SEMA6D: variants seen among roughly 807,000 people sequenced by gnomAD.
SEMA6D encodes the protein semaphorin-6D.
SEMA6D carries 35 observed loss-of-function variants against 106.6 expected under a neutral mutation model. That is an observed-to-expected ratio of 0.33 (90% CI 0.25 to 0.44). The LOEUF is 0.44. SEMA6D is among the 20% of genes least tolerant of loss of function. The probability of loss-of-function intolerance (pLI) is 1.00; values close to 1 mark genes in which losing one functional copy is unlikely to be tolerated. For synonymous variants in SEMA6D, 499 were observed against 487.7 expected (o/e 1.02, Z -0.31); for missense variants, 1,185 against 1,345.9 (o/e 0.88, Z 1.87).
At chr15:47,512,369 A>G (rs986794041) in intron 3 of SEMA6D, among the ~76,000 whole-genome samples, 12 of 152,198 alleles carry the variant, frequency 7.9e-5, no homozygotes, top group South Asian at 4.1e-4. Flanking sequence ...GAAAATGACC[A>G]TGCATCATGC....
At chr15:47,376,688 G>T (rs181490271) in intron 1 of SEMA6D, among the ~76,000 whole-genome samples, 4 of 152,162 alleles carry the variant, frequency 2.6e-5, no homozygotes, top group African/African-American at 9.7e-5. Flanking sequence ...GGGAGCACTG[G>T]CTCTTTATTA....
intron 1 of SEMA6D, among the ~76,000 whole-genome samples, chr15:47,364,682 C>G (rs2038945440): frequency 6.6e-6 from 1 of 152,090 alleles, no homozygotes; most frequent in Non-Finnish European, 1.5e-5. Context: ...GGCCTCTTTC[C>G]AGTGCCCCTC....
intron 4 of SEMA6D, among the ~76,000 whole-genome samples, chr15:47,684,414 G>C (rs1330087739): frequency 6.6e-6 from 1 of 151,874 alleles, no homozygotes; most frequent in African/African-American, 2.4e-5. Flanking sequence ...ATTATATTTA[G>C]TTATCGCTGT....
chr15:47,579,452 A>T (rs770838726), intron 3 of SEMA6D, among the ~76,000 whole-genome samples: 2 of 152,116 alleles, frequency 1.3e-5, no homozygotes, highest in Non-Finnish European at 2.9e-5. Context: ...AGAAATCTGT[A>T]TTCTTAATGA....
At chr15:47,467,145 T>C (rs2042688427) in intron 2 of SEMA6D, among the ~76,000 whole-genome samples, 1 of 152,134 alleles carries the variant, frequency 6.6e-6, no homozygotes, top group Non-Finnish European at 1.5e-5. Context: ...TAATTTTTGT[T>C]CTTGTTTAGA....
At chr15:47,486,695 C>CT (rs1460387540) in intron 3 of SEMA6D, among the ~76,000 whole-genome samples, 2 of 152,180 alleles carry the variant, frequency 1.3e-5, no homozygotes, top group Non-Finnish European at 2.9e-5. Context: ...GAATTGTTGA[C>CT]CTTAGGAAAG....
intron 4 of SEMA6D, among the ~76,000 whole-genome samples, chr15:47,625,410 T>C (rs753180524): frequency 1.3e-5 from 2 of 152,156 alleles, no homozygotes; most frequent in Non-Finnish European, 2.9e-5. Context: ...ATTTTTTATG[T>C]TCCATCTTTA....
At chr15:47,504,976 A>G (rs1428456209) in intron 3 of SEMA6D, among the ~76,000 whole-genome samples, 1 of 152,170 alleles carries the variant, frequency 6.6e-6, no homozygotes, top group African/African-American at 2.4e-5. Context: ...AATTTGCCTC[A>G]TTCCTGTCAT....
chr15:47,621,232 C>A (rs985044447), intron 4 of SEMA6D, among the ~76,000 whole-genome samples: 1 of 152,186 alleles, frequency 6.6e-6, no homozygotes, highest in Non-Finnish European at 1.5e-5. Context: ...CTAAAACATG[C>A]AGTGCTCACT....
At chr15:47,279,592 C>T (rs1405798394) in intron 1 of SEMA6D, among the ~76,000 whole-genome samples, 2 of 149,760 alleles carry the variant, frequency 1.3e-5, no homozygotes, top group African/African-American at 4.9e-5. Flanking sequence ...AGAGGGCATC[C>T]CTGTCTTGTG....
chr15:47,764,639 C>T lies in SEMA6D; in HGVS notation c.1099C>T (p.Pro367Ser). The T allele has an allele frequency of 6.2e-7, 1 of 1,613,848 alleles. No homozygotes were observed. Among genetic ancestry groups the T allele is most frequent in the Non-Finnish European group, 8.5e-7 (1 of 1,179,782 alleles). Residue 367 changes from proline (P) to serine (S), a missense_variant and splice_region_variant, in exon 12 of 19, where the codon CCT becomes TCT. Around this residue, in one of 3 missense-constraint regions of SEMA6D, gnomAD observed 291 missense variants for 423.8 expected, o/e 0.69. Coordinates refer to ENST00000536845, the MANE Select transcript of SEMA6D (RefSeq NM_001358351.3). ...AAAATAACGCTGTTTTCCTTTCAGG[C>T]CTGGCTGTTGTGCAAAACACGGCCT... ...VPEDKVPKPR[P>S]GCCAKHGLAE...
Position 47,396,030 on chromosome 15 carries a change from G to A in SEMA6D, c.-238-16363G>A, listed in dbSNP as rs553758316. Among the ~76,000 whole-genome samples the A allele has an allele frequency of 2.6e-5, 4 of 152,262 alleles. No homozygotes were observed. In the South Asian group the frequency reaches 6.2e-4, roughly 24 times the overall value. On this transcript the variant is annotated intron_variant, in intron 1 of 19. Coordinates refer to the SEMA6D transcript ENST00000558014. ...GATGAAATTCATGGTTTTATAAGAAGAGGAAGAGACACCAGCAAACACCAG... is the reference window on the plus strand; with the variant it reads ...GATGAAATTCATGGTTTTATAAGAAAAGGAAGAGACACCAGCAAACACCAG...
chr15:47,540,407 A>G (rs2142202666), intron 3 of SEMA6D, among the ~76,000 whole-genome samples: 1 of 152,310 alleles, frequency 6.6e-6, no homozygotes, highest in South Asian at 2.1e-4. Context: ...ACTAAGAAAC[A>G]AATAAAGTTA....
chr15:47,503,647 G>A (rs890793258), intron 3 of SEMA6D, among the ~76,000 whole-genome samples: 2 of 151,484 alleles, frequency 1.3e-5, no homozygotes, highest in African/African-American at 4.9e-5. Context: ...CAGTATCTTT[G>A]CTTGTGTCTG....
intron 4 of SEMA6D, among the ~76,000 whole-genome samples, chr15:47,653,835 A>G (rs1426067897): frequency 6.6e-6 from 1 of 152,248 alleles, no homozygotes; most frequent in Non-Finnish European, 1.5e-5. Flanking sequence ...GAATGAACGA[A>G]TGGAAAATTA....
intron 3 of SEMA6D, among the ~76,000 whole-genome samples, chr15:47,524,340 C>T (rs1271849639): frequency 6.6e-6 from 1 of 152,174 alleles, no homozygotes; most frequent in Non-Finnish European, 1.5e-5. Flanking sequence ...CCTTTCCATG[C>T]AGGTGGCTGG....
intron 3 of SEMA6D, among the ~76,000 whole-genome samples, chr15:47,597,256 G>C (rs747599900): frequency 1.3e-5 from 2 of 152,034 alleles, no homozygotes; most frequent in African/African-American, 2.4e-5. Flanking sequence ...GAAAATCTTT[G>C]TACATTGCTG....
At chr15:47,409,441 G>T (rs1269225995) in intron 1 of SEMA6D, among the ~76,000 whole-genome samples, 1 of 152,136 alleles carries the variant, frequency 6.6e-6, no homozygotes, top group African/African-American at 2.4e-5. Context: ...TTCCATTTTT[G>T]ATCTTCCACC....
intron 3 of SEMA6D, among the ~76,000 whole-genome samples, chr15:47,551,653 G>A (rs1049682063): frequency 1.7e-5 from 2 of 116,126 alleles, no homozygotes; most frequent in African/African-American, 3.1e-5. Context: ...CACCTCCATC[G>A]AAGTCTAACA....
Sources: gnomAD v4.1 joint callset for allele counts (sites outside exome capture counted in the v4.1 genomes callset) on GRCh38, gnomAD v4.1.1 for gene constraint, gnomAD v4.1.1 regional missense constraint, MANE v1.5 for transcripts, NCBI Gene and HGNC (gene_info 2026-07-23, HGNC 2026-07-21) for gene names.